The following CTNNA2 variants were observed in gnomAD, a reference collection of about 807,000 sequenced individuals.
The protein encoded by CTNNA2 is catenin alpha 2.
In CTNNA2, 42 loss-of-function variants were observed where a neutral mutation model predicts 101.0. The ratio of observed to expected loss-of-function variants is 0.42; its 90% CI spans 0.32 to 0.54. The LOEUF (loss-of-function observed/expected upper bound fraction) is 0.54, where lower values mean the gene tolerates loss of function less well. Among genes scored for constraint, CTNNA2 ranks in the 20% least tolerant of loss-of-function variants. The probability of loss-of-function intolerance (pLI) is 0.14; values close to 1 mark genes in which losing one functional copy is unlikely to be tolerated. For synonymous variants in CTNNA2, 450 were observed against 456.4 expected, an observed-to-expected ratio of 0.99 and a Z score of 0.18; for missense variants, 871 against 1,223.1, an observed-to-expected ratio of 0.71 and a Z score of 4.29.
At chr2:80,270,902 G>T (rs929328440) in intron 7 of CTNNA2, among the ~76,000 whole-genome samples, 1 of 151,832 alleles carries the variant, frequency 6.6e-6, no homozygotes, top group Admixed American at 6.6e-5. Context: ...ATTGTTTATG[G>T]GACTGGCAAT....
chr2:80,092,935 C>A lies in CTNNA2; in HGVS notation c.1056+183138C>A, dbSNP rs1008334003. Among the ~76,000 whole-genome samples, 3 of 152,010 alleles carry A rather than the reference C, an allele frequency of 2.0e-5. No individual in the cohort carries two copies. In the South Asian group the frequency reaches 6.3e-4, roughly 32 times the overall value. Reference sequence around the variant, plus strand: ...CATATTTTATAAACAATTTAAAATGCTAACATGAAGATAAGGATAGAGGCA... The same window carrying A: ...CATATTTTATAAACAATTTAAAATGATAACATGAAGATAAGGATAGAGGCA... On this transcript the variant is annotated intron_variant, in intron 7 of 18. Transcript: ENST00000402739.
chr2:79,527,177 A>C (rs556448902), intron 1 of CTNNA2, among the ~76,000 whole-genome samples: 10 of 152,122 alleles, frequency 6.6e-5, no homozygotes, highest in Non-Finnish European at 1.3e-4. Flanking sequence ...AGTAAAAAGA[A>C]TACCTAAATT....
intron 2 of CTNNA2, among the ~76,000 whole-genome samples, chr2:79,295,279 T>G (rs1435920381): frequency 6.6e-6 from 1 of 152,154 alleles, no homozygotes; most frequent in Non-Finnish European, 1.5e-5. Flanking sequence ...TGCCATGTTC[T>G]GCAAAGCCAC....
At chr2:79,506,543 CACATCA>C (rs1671417755) in intron 5 of CTNNA2, among the ~76,000 whole-genome samples, 1 of 152,164 alleles carries the variant, frequency 6.6e-6, no homozygotes, top group African/African-American at 2.4e-5. Context: ...AGGTACTCTT[CACATCA>C]ACATCTTTAA....
intron 9 of CTNNA2, among the ~76,000 whole-genome samples, chr2:80,437,723 G>A (rs1190327883): frequency 6.6e-6 from 1 of 152,214 alleles, no homozygotes; most frequent in African/African-American, 2.4e-5. Context: ...CACTGACCGG[G>A]TGCAGTGGCT....
In CTNNA2 at chr2:79,719,352, T is replaced by C. The variant is rs910165317; in HGVS notation, c.103-25035T>C. Among the ~76,000 whole-genome samples the C allele has an allele frequency of 1.1e-3, 169 of 152,316 alleles. 1 individual carries two copies. The highest frequency in any genetic ancestry group is 4.0e-3 in the African/African-American group (165 of 41,580). ...GGTTGATTCCATGATGTTGCTGTTG[T>C]GAACAGTGCAGTGATGAACATATGC... is the stretch of plus-strand genomic sequence containing the variant. On this transcript the variant is annotated intron_variant, in intron 2 of 18. Coordinates refer to ENST00000402739, the MANE Select transcript of CTNNA2 (RefSeq NM_001282597.3).
chr2:79,306,860 T>C (rs562100156), intron 2 of CTNNA2, among the ~76,000 whole-genome samples: 36 of 152,348 alleles, frequency 2.4e-4, no homozygotes, highest in African/African-American at 7.9e-4. Flanking sequence ...TGCAGGTTTT[T>C]GATAACTAAT....
intron 3 of CTNNA2, among the ~76,000 whole-genome samples, chr2:79,360,515 C>T (rs1429533019): frequency 6.6e-6 from 1 of 152,110 alleles, no homozygotes; most frequent in Non-Finnish European, 1.5e-5. Flanking sequence ...CAGATGGAAG[C>T]ATTTGGACTT....
intron 7 of CTNNA2, among the ~76,000 whole-genome samples, chr2:80,225,315 A>G (rs1054128805): frequency 6.6e-6 from 1 of 152,156 alleles, no homozygotes; most frequent in African/African-American, 2.4e-5. Context: ...TAAACTGCAA[A>G]CACAGGTCAC....
chr2:80,004,097 AT>A (rs978808239), intron 7 of CTNNA2, among the ~76,000 whole-genome samples: 2 of 151,834 alleles, frequency 1.3e-5, no homozygotes, highest in African/African-American at 4.8e-5. Flanking sequence ...AGAGGCTAAA[AT>A]TTTTTTTTAA....
At chr2:80,630,436 AGACCATACT>A (rs548251605) in intron 18 of CTNNA2, among the ~76,000 whole-genome samples, 5 of 152,220 alleles carry the variant, frequency 3.3e-5, no homozygotes, top group Non-Finnish European at 7.4e-5. Flanking sequence ...CAAGAGATCA[AGACCATACT>A]GGCCAACATG....
chr2:80,544,520 C>G (rs969836586), intron 9 of CTNNA2, among the ~76,000 whole-genome samples: 1 of 151,984 alleles, frequency 6.6e-6, no homozygotes, highest in Non-Finnish European at 1.5e-5. Context: ...TCAGGCAGAT[C>G]GGGTATTTTG....
chr2:79,526,695 C>A (rs953709658), intron 1 of CTNNA2, among the ~76,000 whole-genome samples: 1 of 151,996 alleles, frequency 6.6e-6, no homozygotes, highest in Non-Finnish European at 1.5e-5. Flanking sequence ...ATTGATTTTT[C>A]AACAAGGGTG....
chr2:80,140,261 T>C (rs2148908527), intron 7 of CTNNA2, among the ~76,000 whole-genome samples: 1 of 152,276 alleles, frequency 6.6e-6, no homozygotes, highest in East Asian at 1.9e-4. Flanking sequence ...CAATTGACTT[T>C]TAAAACCTTT....
intron 7 of CTNNA2, among the ~76,000 whole-genome samples, chr2:80,326,938 C>G (rs1289016071): frequency 6.6e-6 from 1 of 152,046 alleles, no homozygotes; most frequent in Non-Finnish European, 1.5e-5. Context: ...TGTGCCTAGC[C>G]CCCTAATTTA....
intron 1 of CTNNA2, among the ~76,000 whole-genome samples, chr2:79,544,999 A>T (rs755656224): frequency 1.3e-5 from 2 of 152,314 alleles, no homozygotes; most frequent in South Asian, 2.1e-4. Flanking sequence ...GGGGCTATCC[A>T]GAAAGATAAG....
chr2:79,588,156 G>A (rs1676616537), intron 1 of CTNNA2, among the ~76,000 whole-genome samples: 2 of 152,324 alleles, frequency 1.3e-5, no homozygotes, highest in South Asian at 4.1e-4. Flanking sequence ...TGGAGGAAAT[G>A]TGTTTACTGA....
At chr2:79,707,597 C>G (rs1254733556) in intron 2 of CTNNA2, among the ~76,000 whole-genome samples, 1 of 152,190 alleles carries the variant, frequency 6.6e-6, no homozygotes, top group Non-Finnish European at 1.5e-5. Context: ...GCAGTGGCAT[C>G]CTTTGTACAG....
intron 3 of CTNNA2, among the ~76,000 whole-genome samples, chr2:79,328,452 A>G (rs999736023): frequency 1.3e-5 from 2 of 152,186 alleles, no homozygotes; most frequent in African/African-American, 4.8e-5. Flanking sequence ...GGCTAGACAT[A>G]TGAATTTGGG....
Sources: gnomAD v4.1 joint callset for allele counts (sites outside exome capture counted in the v4.1 genomes callset) on GRCh38, gnomAD v4.1.1 for gene constraint, MANE v1.5 for transcripts, NCBI Gene and HGNC (gene_info 2026-07-23, HGNC 2026-07-21) for gene names.